Variants in RAVER1 observed in about 807,000 individuals in gnomAD.
RAVER1 encodes ribonucleoprotein PTB-binding 1.
RAVER1 carries 36 observed loss-of-function variants against 68.4 expected under a neutral mutation model. That is an observed-to-expected ratio of 0.53 (90% CI 0.40 to 0.70). RAVER1 has a LOEUF of 0.70. Among genes scored for constraint, RAVER1 ranks in the 30% least tolerant of loss-of-function variants. RAVER1 has a pLI of 0.00. For missense variants in RAVER1, 933 were observed against 1,019.8 expected (o/e 0.91, Z 1.16); for synonymous variants, 469 against 472.7 (o/e 0.99, Z 0.10).
intron 3 of RAVER1, among the ~76,000 whole-genome samples, chr19:10,327,022 G>C (rs1013900942): frequency 6.6e-6 from 1 of 151,694 alleles, no homozygotes; most frequent in African/African-American, 2.4e-5. Context: ...CACCTGCCTC[G>C]GCCTCTCAAA....
rs776182480 is a variant in RAVER1, at chr19:10,318,248, T to C, written c.1970A>G (p.Lys657Arg). The C allele has an allele frequency of 1.9e-6, 3 of 1,606,312 alleles. No individual in the cohort carries two copies. The highest frequency in any genetic ancestry group is 2.7e-5 in the African/African-American group (2 of 74,584). ...CCTCACCTTACTGAGGTGGCTCTGC[T>C]TGAGGCCAGCCTGCAGGCCGCTGGT... The part of the protein sequence containing the change: ...YFTSGLQAGL[K>R]QSHLSKAIGS... Residue 657 changes from lysine (K) to arginine (R), a missense_variant, in exon 11 of 13, where the codon AAG (lysine) becomes AGG (arginine). Transcript: ENST00000617231.
At position 10,317,835 on chromosome 19, in the gene RAVER1, G is replaced by A. The variant is rs1232710256; in HGVS notation, c.1990-62C>T. 5 of 938,250 alleles carry A rather than the reference G, an allele frequency of 5.3e-6. No homozygotes were observed. The highest frequency in any genetic ancestry group is 6.7e-6 in the Non-Finnish European group (4 of 594,906). 58.1% of individuals were successfully genotyped at this position (938,250 alleles called of 1,614,324 possible). ...GGGGGCCAGAGGAAGCACCCACCCCGCCCCCCTGCCACTGCCCCCCAGCCC... is the reference window on the plus strand; with the variant it reads ...GGGGGCCAGAGGAAGCACCCACCCCACCCCCCTGCCACTGCCCCCCAGCCC... On this transcript the variant is annotated intron_variant, in intron 11 of 12. Coordinates refer to ENST00000617231, the MANE Select transcript of RAVER1 (RefSeq NM_133452.3). This position sits in a 1 kb window ranked among gnomAD's most constrained non-coding sequence, Gnocchi z 4.3.
chr19:10,318,577 C>T lies in RAVER1; in HGVS notation c.1846-205G>A, dbSNP rs189857485. 9.9e-3 allele frequency among the ~76,000 whole-genome samples: 1,510 copies of T among 152,310 alleles called. 18 individuals are homozygous for T. The highest frequency in any genetic ancestry group is 0.016 in the Non-Finnish European group (1,075 of 68,032). ...GTTTCTCCATGTTGGTCAGACTGGTCTCACACTCACGACCTCAGGTGATCC... is the reference window on the plus strand; with the variant it reads ...GTTTCTCCATGTTGGTCAGACTGGTTTCACACTCACGACCTCAGGTGATCC... On this transcript the variant is annotated intron_variant, in intron 10 of 12. Transcript: ENST00000617231.
In RAVER1 at chr19:10,328,615, C is replaced by T. The variant is rs1307892310; in HGVS notation, c.756+27G>A. The T allele has an allele frequency of 6.8e-7, 1 of 1,480,868 alleles. No individual in the cohort carries two copies. Among genetic ancestry groups the T allele is most frequent in the Non-Finnish European group, 9.2e-7 (1 of 1,091,232 alleles). The allele number at this position is 1,480,868 out of a possible 1,614,324, so 91.7% of individuals were successfully genotyped here. On this transcript the variant is annotated intron_variant, in intron 3 of 12. Coordinates refer to ENST00000617231, the MANE Select transcript of RAVER1 (RefSeq NM_133452.3). The surrounding 1 kb of genome is among the most constrained non-coding windows in gnomAD (Gnocchi z 4.4). ...TCAGGTGCTCCGGGCCTGGCACCTG[C>T]TCCCCAATGCTCTCCACAGGGCTCA...
chr19:10,325,774 G>A (rs574971869), intron 3 of RAVER1, among the ~76,000 whole-genome samples: 1 of 151,862 alleles, frequency 6.6e-6, no homozygotes, highest in Non-Finnish European at 1.5e-5. Flanking sequence ...TCCAGCCTGG[G>A]TGATTGAGAA....
rs986402662 is a variant in RAVER1 at position 10,329,268 on chromosome 19, G to C, written c.287-157C>G. 6.6e-6 allele frequency among the ~76,000 whole-genome samples: 1 copy of C among 152,218 alleles called. No homozygotes were observed. The highest frequency in any genetic ancestry group is 2.4e-5 in the African/African-American group (1 of 41,462). On this transcript the variant is annotated intron_variant, in intron 2 of 12. Coordinates refer to ENST00000617231, the MANE Select transcript of RAVER1 (RefSeq NM_133452.3). This position sits in a 1 kb window ranked among gnomAD's most constrained non-coding sequence, Gnocchi z 4.6. ...CAGCCTTGGCGACTCACACAGGCGA[G>C]AGCGCCTGCCATTGACTCTAGGCTC...
Position 10,328,760 on chromosome 19 carries a change from A to G in RAVER1, c.638T>C (p.Leu213Pro), listed in dbSNP as rs2040492449. The G allele has an allele frequency of 1.2e-6, 2 of 1,612,782 alleles. No homozygotes were observed. Among genetic ancestry groups the G allele is most frequent in the African/African-American group, 2.7e-5 (2 of 74,926 alleles). The change falls in exon 3 of 13, where the codon CTG becomes CCG. Residue 213 changes from leucine to proline, a missense_variant. Physicochemically the swap from Leu to Pro is moderately conservative, Grantham distance 98. Around this residue, in one of 3 missense-constraint regions of RAVER1, gnomAD observed 699 missense variants for 731.1 expected, o/e 0.96. Transcript: ENST00000617231. This position sits in a 1 kb window ranked among gnomAD's most constrained non-coding sequence, Gnocchi z 4.4. ...LYVHWTDAGQLTPALLHSRCL... is the reference protein window; with the variant it reads ...LYVHWTDAGQPTPALLHSRCL... ...GCGGGAGTGGAGAAGGGCAGGCGTC[A>G]GTTGCCCGGCATCCGTCCAGTGCAC...
At position 10,323,592 on chromosome 19, in the gene RAVER1, G is replaced by A. The variant is rs1182237716; in HGVS notation, c.757-26C>T. 2 of 1,561,138 alleles carry A rather than the reference G, an allele frequency of 1.3e-6. No homozygotes were observed. Among genetic ancestry groups the A allele is most frequent in the Admixed American group, 1.8e-5 (1 of 56,518 alleles). On this transcript the variant is annotated intron_variant, in intron 3 of 12. Transcript: ENST00000617231. This position sits in a 1 kb window ranked among gnomAD's most constrained non-coding sequence, Gnocchi z 6.2. ...CTGCCGGAGGAAGGCAGGCAGTCAT[G>A]AGCATCTGGGCAGCAGTGACTGCAC...
rs188028524 is a variant in RAVER1 at position 10,332,693 on chromosome 19, G to A, written c.219+596C>T. Among the ~76,000 whole-genome samples the A allele has an allele frequency of 4.6e-5, 7 of 152,312 alleles. No homozygotes were observed. In the East Asian group the frequency reaches 5.8e-4, roughly 13 times the overall value. On this transcript the variant is annotated intron_variant, in intron 1 of 12. Transcript: ENST00000617231. ...CTCCTAGCAGGAAGATTAGCCACGA[G>A]GGGCTCCATAGAACACAGGCCTCGC...
intron 3 of RAVER1, among the ~76,000 whole-genome samples, chr19:10,324,897 T>G (rs1007703018): frequency 1.3e-5 from 2 of 152,170 alleles, no homozygotes; most frequent in African/African-American, 2.4e-5. Flanking sequence ...CAACAAATGT[T>G]TGGTGAGACC....
intron 3 of RAVER1, among the ~76,000 whole-genome samples, chr19:10,326,192 A>G (rs553434772): frequency 2.4e-4 from 36 of 152,248 alleles, no homozygotes; most frequent in Non-Finnish European, 8.8e-5. Flanking sequence ...GAGGCGGAGG[A>G]TGCAGTGAGC....
Position 10,316,251 on chromosome 19 carries a change from A to AAG in RAVER1, c.*1201_*1202dup. 1.5e-6 allele frequency: 2 copies of AAG among 1,323,318 alleles called. No homozygotes were observed. The highest frequency in any genetic ancestry group is 1.9e-6 in the Non-Finnish European group (2 of 1,040,294). 82.0% of individuals were successfully genotyped at this position (1,323,318 alleles called of 1,614,324 possible). On this transcript the variant is annotated 3_prime_UTR_variant, in exon 13 of 13. Transcript: ENST00000617231. ...TTTACTTACAAACTTTAATTCAGCAAAGGTCCGTGTGGGGAGACTGGGGTG... is the reference window on the plus strand; with the variant it reads ...TTTACTTACAAACTTTAATTCAGCAAAGAGGTCCGTGTGGGGAGACTGGGGTG...
chr19:10,321,544 C>T lies in RAVER1; in HGVS notation c.1248G>A (p.Gly416=), dbSNP rs2040438088. The change falls in exon 7 of 13, where the codon GGG becomes GGA. Residue 416 remains glycine (G), a synonymous_variant. Coordinates refer to ENST00000617231, the MANE Select transcript of RAVER1 (RefSeq NM_133452.3). ...PGAQPANPLL[G]ELPAGGGLPP... is the part of the protein sequence containing the mutation. ...GGTCTGCGTTACCTGCAGGCAGCTC[C>T]CCGAGGAGGGGGTTGGCTGGCTGGG... 2.2e-6 allele frequency: 3 copies of T among 1,361,668 alleles called. No homozygotes were observed. Among genetic ancestry groups the T allele is most frequent in the African/African-American group, 3.0e-5 (2 of 66,736 alleles). 84.3% of individuals were successfully genotyped at this position (1,361,668 alleles called of 1,614,324 possible).
At chr19:10,332,009 T>G (rs988413999) in intron 1 of RAVER1, among the ~76,000 whole-genome samples, 1 of 152,116 alleles carries the variant, frequency 6.6e-6, no homozygotes, top group African/African-American at 2.4e-5. Flanking sequence ...TTTTCTTTTT[T>G]TTAGAGATAG....
intron 7 of RAVER1, 89 bp downstream of exon 7, chr19:10,321,442 C>T: frequency 8.8e-7 from 1 of 1,141,636 alleles, no homozygotes; most frequent in Non-Finnish European, 1.1e-6. Flanking sequence ...GCGCTGGGAC[C>T]CAGAGGTTGG....
chr19:10,319,735 C>G (rs2040419911), intron 9 of RAVER1, among the ~76,000 whole-genome samples: 1 of 150,860 alleles, frequency 6.6e-6, no homozygotes. Context: ...GGCATGTCTA[C>G]CACACCTGGC....
chr19:10,326,592 G>A (rs1040953162), intron 3 of RAVER1, among the ~76,000 whole-genome samples: 35 of 152,042 alleles, frequency 2.3e-4, no homozygotes, highest in African/African-American at 7.7e-4. Flanking sequence ...TTACAGGCGC[G>A]TGGCGCCATG....
chr19:10,328,059 C>G lies in RAVER1; in HGVS notation c.756+583G>C, dbSNP rs888104375. On this transcript the variant is annotated intron_variant, in intron 3 of 12. Transcript: ENST00000617231. This position sits in a 1 kb window ranked among gnomAD's most constrained non-coding sequence, Gnocchi z 4.4. ...AGGGCGGGGCTGGGATCTGGCAAAG[C>G]CTCAGTCTCTGACCTCAAGGCTCAA... Among the ~76,000 whole-genome samples, 2 of 152,192 alleles carry G rather than the reference C, an allele frequency of 1.3e-5. No individual in the cohort carries two copies. The highest frequency in any genetic ancestry group is 2.9e-5 in the Non-Finnish European group (2 of 68,032).
chr19:10,333,264 G>A lies in RAVER1; in HGVS notation c.219+25C>T, dbSNP rs761292692. 9.9e-5 allele frequency: 157 copies of A among 1,587,718 alleles called. No homozygotes were observed. The highest frequency in any genetic ancestry group is 1.2e-4 in the Non-Finnish European group (143 of 1,161,494). On this transcript the variant is annotated intron_variant, in intron 1 of 12. Transcript: ENST00000617231. This position sits in a 1 kb window ranked among gnomAD's most constrained non-coding sequence, Gnocchi z 4.2. Reference sequence around the variant, plus strand: ...CGCGCACCGTGGTATTTCCCGCCACGCTCCTACACCGCCCCCCCCAATACC... The same window carrying A: ...CGCGCACCGTGGTATTTCCCGCCACACTCCTACACCGCCCCCCCCAATACC...
Sources: gnomAD v4.1 joint callset for allele counts (sites outside exome capture counted in the v4.1 genomes callset) on GRCh38, gnomAD v4.1.1 for gene constraint, gnomAD v4.1.1 regional missense constraint, Gnocchi (gnomAD v3.1) non-coding constraint, MANE v1.5 for transcripts, NCBI Gene and HGNC (gene_info 2026-07-23, HGNC 2026-07-21) for gene names.